The following ACOXL variants were observed in gnomAD, a reference collection of about 807,000 sequenced individuals.
ACOXL encodes acyl-CoA oxidase like.
ACOXL carries 70 observed loss-of-function variants against 71.9 expected under a neutral mutation model. The ratio of observed to expected loss-of-function variants is 0.97; its 90% CI spans 0.80 to 1.19. ACOXL has a LOEUF of 1.19. ACOXL is among the 50% of genes most tolerant of loss of function. The pLI is 0.00. For missense variants in ACOXL, 703 were observed against 736.3 expected (o/e 0.95, Z 0.52); for synonymous variants, 253 against 281.6 (o/e 0.90, Z 1.02).
chr2:111,005,649 C>T (rs1045740521), intron 14 of ACOXL, among the ~76,000 whole-genome samples: 1 of 152,208 alleles, frequency 6.6e-6, no homozygotes, highest in African/African-American at 2.4e-5. Flanking sequence ...TGTCTTTGCT[C>T]AGGTCACCTG....
chr2:111,069,149 T>C (rs180912648), intron 16 of ACOXL, among the ~76,000 whole-genome samples: 1,561 of 151,018 alleles, frequency 0.01, 26 homozygotes, highest in African/African-American at 0.034. Context: ...CTTTTTCTTT[T>C]TTTTTTTTTT....
chr2:110,754,488 A>G (rs1008802471), intron 1 of ACOXL, among the ~76,000 whole-genome samples: 2 of 152,154 alleles, frequency 1.3e-5, no homozygotes, highest in African/African-American at 4.8e-5. Flanking sequence ...CAGAATCCCC[A>G]TAGTCCTAAC....
At chr2:111,028,082 G>GTCT (rs35839322) in intron 14 of ACOXL, among the ~76,000 whole-genome samples, 14,764 of 151,818 alleles carry the variant, frequency 0.097, 811 homozygotes, top group East Asian at 0.24. Flanking sequence ...CGGCTACCCA[G>GTCT]AAGGCTGAGG....
chr2:110,922,396 T>C (rs1380246538), intron 11 of ACOXL, among the ~76,000 whole-genome samples: 4 of 152,162 alleles, frequency 2.6e-5, no homozygotes, highest in Non-Finnish European at 5.9e-5. Flanking sequence ...GTTTTTTTCT[T>C]TTTTTTCTTT....
chr2:111,085,810 T>A (rs1035728962), intron 16 of ACOXL, among the ~76,000 whole-genome samples: 1 of 151,226 alleles, frequency 6.6e-6, no homozygotes, highest in East Asian at 1.9e-4. Context: ...AAAAAATTAA[T>A]AAGATAGCTA....
At chr2:110,844,596 G>A (rs1389624544) in intron 10 of ACOXL, among the ~76,000 whole-genome samples, 1 of 147,382 alleles carries the variant, frequency 6.8e-6, no homozygotes, top group Admixed American at 6.8e-5. Context: ...CATCCAGGCT[G>A]GAATGCAGTG....
chr2:110,906,537 C>CAA (rs368985557), intron 10 of ACOXL, among the ~76,000 whole-genome samples: 79 of 72,108 alleles, frequency 1.1e-3, no homozygotes, highest in African/African-American at 4.3e-3. Context: ...GACTCTGTCT[C>CAA]AAAAAAAAAA....
At chr2:110,983,838 G>T (rs1256003182) in intron 12 of ACOXL, among the ~76,000 whole-genome samples, 1 of 152,058 alleles carries the variant, frequency 6.6e-6, no homozygotes, top group Non-Finnish European at 1.5e-5. Flanking sequence ...CCATTATTAT[G>T]TAAGAGATCA....
chr2:110,742,610 A>G (rs925953589), intron 1 of ACOXL, among the ~76,000 whole-genome samples: 1 of 152,174 alleles, frequency 6.6e-6, no homozygotes, highest in African/African-American at 2.4e-5. Context: ...GGCCGTGAAA[A>G]GTGAAGGACA....
At chr2:111,042,260 G>T (rs1458113016) in intron 15 of ACOXL, among the ~76,000 whole-genome samples, 1 of 152,220 alleles carries the variant, frequency 6.6e-6, no homozygotes, top group Non-Finnish European at 1.5e-5. Context: ...TTGCTTAGAA[G>T]GTTTTCAGTA....
intron 7 of ACOXL, among the ~76,000 whole-genome samples, chr2:110,801,028 G>C (rs888300460): frequency 6.6e-6 from 1 of 152,142 alleles, no homozygotes; most frequent in Non-Finnish European, 1.5e-5. Context: ...TTTTCCCCTA[G>C]GTTAAATCTC....
At chr2:110,778,068 C>A (rs527297476) in intron 2 of ACOXL, among the ~76,000 whole-genome samples, 1 of 152,224 alleles carries the variant, frequency 6.6e-6, no homozygotes, top group African/African-American at 2.4e-5. Context: ...TTGGCAGCAG[C>A]GGCCATGCCC....
At chr2:111,102,955 C>A (rs2069272654) in intron 17 of ACOXL, among the ~76,000 whole-genome samples, 1 of 152,134 alleles carries the variant, frequency 6.6e-6, no homozygotes, top group Admixed American at 6.6e-5. Flanking sequence ...CTTCCCTTCT[C>A]TGGGGGACTC....
At chr2:110,767,168 T>C (rs983899812) in intron 1 of ACOXL, among the ~76,000 whole-genome samples, 2 of 152,166 alleles carry the variant, frequency 1.3e-5, no homozygotes, top group Non-Finnish European at 2.9e-5. Context: ...CTAACCTGAG[T>C]GAGGTCCTAC....
intron 10 of ACOXL, among the ~76,000 whole-genome samples, chr2:110,872,471 G>C (rs577628901): frequency 6.6e-6 from 1 of 152,362 alleles, no homozygotes; most frequent in Admixed American, 6.5e-5. Flanking sequence ...TATGGGCCAG[G>C]TGTCCGTCTC....
chr2:111,088,283 C>CCA (rs1321670968), intron 16 of ACOXL, among the ~76,000 whole-genome samples: 1 of 152,176 alleles, frequency 6.6e-6, no homozygotes, highest in African/African-American at 2.4e-5. Context: ...CCCAGCAATC[C>CCA]CACTACTGGG....
chr2:110,895,422 T>C (rs1289001452), intron 10 of ACOXL, among the ~76,000 whole-genome samples: 1 of 152,140 alleles, frequency 6.6e-6, no homozygotes, highest in Non-Finnish European at 1.5e-5. Flanking sequence ...TCTCAGGAAC[T>C]TGTGGAACTT....
chr2:110,972,729 A>G (rs1426305202), intron 12 of ACOXL, among the ~76,000 whole-genome samples: 1 of 152,134 alleles, frequency 6.6e-6, no homozygotes, highest in Non-Finnish European at 1.5e-5. Flanking sequence ...TCCAGAGGAA[A>G]CCAGAAGCAA....
At chr2:110,883,561 T>C (rs9308691) in intron 10 of ACOXL, among the ~76,000 whole-genome samples, 43,480 of 152,038 alleles carry the variant, frequency 0.29, 6,861 homozygotes, top group Non-Finnish European at 0.35. Context: ...GTAAAATTCT[T>C]TCTCAGAAGG....
Sources: gnomAD v4.1 joint callset for allele counts (sites outside exome capture counted in the v4.1 genomes callset) on GRCh38, gnomAD v4.1.1 for gene constraint, MANE v1.5 for transcripts, NCBI Gene and HGNC (gene_info 2026-07-23, HGNC 2026-07-21) for gene names.